The following STPG2 variants were observed in gnomAD, a reference collection of about 807,000 sequenced individuals.
STPG2 encodes sperm tail PG-rich repeat containing 2.
In STPG2, 56 loss-of-function variants were observed where a neutral mutation model predicts 54.2. The ratio of observed to expected loss-of-function variants is 1.03; its 90% CI spans 0.83 to 1.29. The LOEUF is 1.29. Ranked by LOEUF, STPG2 falls within the 50% of genes most tolerant of loss-of-function variation. STPG2 has a pLI of 0.00. For missense variants in STPG2, 596 were observed against 544.9 expected, an observed-to-expected ratio of 1.09 and a Z score of -0.93; for synonymous variants, 200 against 181.8, an observed-to-expected ratio of 1.10 and a Z score of -0.81.
intron 10 of STPG2, among the ~76,000 whole-genome samples, chr4:97,578,891 G>A (rs1384406384): frequency 6.6e-6 from 1 of 151,980 alleles, no homozygotes; most frequent in Non-Finnish European, 1.5e-5. Context: ...GGCCTCCACT[G>A]GCTAGGAACT....
intron 9 of STPG2, among the ~76,000 whole-genome samples, chr4:97,787,919 T>A (rs1280993264): frequency 6.6e-6 from 1 of 151,800 alleles, no homozygotes; most frequent in East Asian, 1.9e-4. Flanking sequence ...TTCATTCTTA[T>A]CTTTTTAATT....
chr4:97,660,790 G>C (rs565780041), intron 10 of STPG2, among the ~76,000 whole-genome samples: 2 of 152,086 alleles, frequency 1.3e-5, no homozygotes, highest in African/African-American at 2.4e-5. Context: ...CGAAATGCAG[G>C]CTCCAAAAGG....
At chr4:98,015,265 C>T (rs1444973088) in intron 5 of STPG2, among the ~76,000 whole-genome samples, 1 of 152,098 alleles carries the variant, frequency 6.6e-6, no homozygotes, top group African/African-American at 2.4e-5. Context: ...TCAGAGTGAA[C>T]AGGCAGCCTA....
At chr4:98,049,690 A>G (rs1181576541) in intron 5 of STPG2, among the ~76,000 whole-genome samples, 3 of 152,220 alleles carry the variant, frequency 2.0e-5, no homozygotes, top group Non-Finnish European at 4.4e-5. Flanking sequence ...AACAGTAAAC[A>G]GTTTTATTTC....
intron 10 of STPG2, among the ~76,000 whole-genome samples, chr4:97,682,438 C>T (rs1049578798): frequency 3.3e-5 from 5 of 151,724 alleles, no homozygotes; most frequent in African/African-American, 1.2e-4. Context: ...TTCCTGTAAC[C>T]ATCTGGAATA....
chr4:98,143,233 G>C lies in STPG2; in HGVS notation c.-83C>G, dbSNP rs1394329903. 4.8e-6 allele frequency: 5 copies of C among 1,036,444 alleles called. No individual in the cohort carries two copies. The highest frequency in any genetic ancestry group is 5.7e-6 in the Non-Finnish European group (4 of 702,592). 64.2% of individuals were successfully genotyped at this position (1,036,444 alleles called of 1,614,324 possible). ...AGGTAGCTAGAAGTGTGGAGAAAAA[G>C]GAAGCCGACACCAGTCTGAGGAGGC... On this transcript the variant is annotated 5_prime_UTR_variant, in exon 1 of 11. Coordinates refer to ENST00000295268, the MANE Select transcript of STPG2 (RefSeq NM_174952.3).
In STPG2 at chr4:98,047,843, G is replaced by T. The variant is rs138358865; in HGVS notation, c.612+58110C>A. On this transcript the variant is annotated intron_variant, in intron 5 of 10. Transcript: ENST00000295268. The stretch of plus-strand genomic sequence containing the variant: ...TTTTTCTGCATTGCAAACTTTTCAA[G>T]AATTTATTCTGAGATTTTAAAATGT... 1.5e-3 allele frequency among the ~76,000 whole-genome samples: 235 copies of T among 152,186 alleles called. 1 individual carries two copies. The highest frequency in any genetic ancestry group is 5.6e-3 in the African/African-American group (233 of 41,522).
chr4:97,751,917 A>G (rs1175327448), intron 9 of STPG2, among the ~76,000 whole-genome samples: 1 of 151,668 alleles, frequency 6.6e-6, no homozygotes, highest in Admixed American at 6.6e-5. Context: ...ACACATAACC[A>G]TCTTCCCACA....
At position 97,866,549 on chromosome 4, in the gene STPG2, G is replaced by A. The variant is rs899334912; in HGVS notation, c.1045-25617C>T. On this transcript the variant is annotated intron_variant, in intron 8 of 10. Transcript: ENST00000295268. Reference sequence around the variant, plus strand: ...TTTTTGAAAAAAATCTGTTTTCTTGGCACTCTGAGGGTATTATCTCATTGT... The same window carrying A: ...TTTTTGAAAAAAATCTGTTTTCTTGACACTCTGAGGGTATTATCTCATTGT... 1.2e-4 allele frequency among the ~76,000 whole-genome samples: 18 copies of A among 151,758 alleles called. 1 individual carries two copies. The highest frequency in any genetic ancestry group is 4.4e-4 in the African/African-American group (18 of 41,330).
intron 5 of STPG2, among the ~76,000 whole-genome samples, chr4:98,047,076 C>G (rs1737152424): frequency 6.6e-6 from 1 of 151,002 alleles, no homozygotes; most frequent in South Asian, 2.1e-4. Context: ...TTGTAGCCTT[C>G]TTGCTCTGCA....
chr4:98,010,795 C>A (rs1047543337), intron 5 of STPG2, among the ~76,000 whole-genome samples: 1 of 151,956 alleles, frequency 6.6e-6, no homozygotes, highest in African/African-American at 2.4e-5. Context: ...ATATTGTGTA[C>A]ATCTGTTTAC....
At chr4:97,774,253 C>A (rs750253850) in intron 9 of STPG2, among the ~76,000 whole-genome samples, 1 of 152,004 alleles carries the variant, frequency 6.6e-6, no homozygotes, top group Non-Finnish European at 1.5e-5. Flanking sequence ...GGATTACCTA[C>A]CCTTTTGAGT....
chr4:97,720,378 T>C (rs1038576626), intron 9 of STPG2, among the ~76,000 whole-genome samples: 23 of 152,036 alleles, frequency 1.5e-4, no homozygotes, highest in African/African-American at 5.3e-4. Flanking sequence ...AAAATTATTA[T>C]TTAAACTTCA....
chr4:97,590,638 GAC>G lies in STPG2; in HGVS notation c.1321-31523_1321-31522del, dbSNP rs5860506. ...TGGCCTACATACACACAGACACACA[GAC>G]ACACACACACACACACACACACACA... is the stretch of plus-strand genomic sequence containing the variant. On this transcript the variant is annotated intron_variant, in intron 10 of 10. Coordinates refer to ENST00000295268, the MANE Select transcript of STPG2 (RefSeq NM_174952.3). Among the ~76,000 whole-genome samples the G allele has an allele frequency of 3.9e-3, 535 of 138,560 alleles. 2 individuals carry two copies. The highest frequency in any genetic ancestry group is 0.011 in the African/African-American group (406 of 38,388). 90.9% of individuals were successfully genotyped at this position (138,560 alleles called of 152,430 possible).
intron 1 of STPG2, among the ~76,000 whole-genome samples, chr4:98,142,061 T>C (rs1364475973): frequency 1.3e-5 from 2 of 152,092 alleles, no homozygotes; most frequent in Admixed American, 1.3e-4. Flanking sequence ...CAGGGGGTCA[T>C]TGTTAGCCAT....
chr4:97,708,559 C>A (rs1382117736), intron 10 of STPG2, among the ~76,000 whole-genome samples: 1 of 151,630 alleles, frequency 6.6e-6, no homozygotes, highest in Non-Finnish European at 1.5e-5. Flanking sequence ...AAGGTAGGAA[C>A]AAAGATCAGG....
chr4:97,859,909 A>G (rs966285013), intron 8 of STPG2, among the ~76,000 whole-genome samples: 9 of 152,224 alleles, frequency 5.9e-5, no homozygotes, highest in Non-Finnish European at 1.2e-4. Flanking sequence ...GTATAAGGTA[A>G]GAGATGAAGA....
intron 8 of STPG2, among the ~76,000 whole-genome samples, chr4:97,844,753 A>T (rs1183064399): frequency 1.3e-5 from 2 of 151,928 alleles, no homozygotes; most frequent in African/African-American, 4.8e-5. Context: ...ATATCTTCAA[A>T]TATTTTTTCT....
intron 8 of STPG2, among the ~76,000 whole-genome samples, chr4:97,890,287 T>C (rs1730718066): frequency 6.6e-6 from 1 of 151,976 alleles, no homozygotes; most frequent in African/African-American, 2.4e-5. Context: ...AATGTTATCA[T>C]ATCTAAAAAC....
Sources: gnomAD v4.1 joint callset for allele counts (sites outside exome capture counted in the v4.1 genomes callset) on GRCh38, gnomAD v4.1.1 for gene constraint, MANE v1.5 for transcripts, NCBI Gene and HGNC (gene_info 2026-07-23, HGNC 2026-07-21) for gene names.